DUSP13A: variants seen among roughly 807,000 people sequenced by gnomAD.
DUSP13A encodes dual specificity phosphatase 13A.
chr10:75,106,658 T>C, the DUSP13A span, among the ~76,000 whole-genome samples: 1 of 152,234 alleles, frequency 6.6e-6, no homozygotes, highest in Admixed American at 6.5e-5. Flanking sequence ...TATGAGTAGC[T>C]CTCACTATAC....
chr10:75,108,121 C>T, the DUSP13A span: 138 of 1,613,736 alleles, frequency 8.6e-5, no homozygotes, highest in African/African-American at 1.5e-3. Context: ...AAGTCAGGGC[C>T]GCCCTGACAG....
chr10:75,106,485 CT>C, the DUSP13A span, among the ~76,000 whole-genome samples: 1 of 152,186 alleles, frequency 6.6e-6, no homozygotes, highest in Non-Finnish European at 1.5e-5. Context: ...CCTCCACAGG[CT>C]TTCTTGACCG....
At chr10:75,107,860 A>T in the DUSP13A span, 11 of 1,127,094 alleles carry the variant, frequency 9.8e-6, no homozygotes, top group South Asian at 7.9e-5. Context: ...TACAAGCATG[A>T]GCCACCACAC....
chr10:75,106,066 T>C, the DUSP13A span, among the ~76,000 whole-genome samples: 1 of 151,948 alleles, frequency 6.6e-6, no homozygotes, highest in Non-Finnish European at 1.5e-5. Flanking sequence ...ACCCTTGGGA[T>C]AGGGTCCGAA....
At chr10:75,109,068 T>G in the DUSP13A span, 1 of 1,612,476 alleles carries the variant, frequency 6.2e-7, no homozygotes, top group Non-Finnish European at 8.5e-7. Flanking sequence ...AAGACTTCCC[T>G]GCCCGCAGGA....
the DUSP13A span, chr10:75,109,108 G>A: frequency 6.2e-7 from 1 of 1,611,964 alleles, no homozygotes; most frequent in Non-Finnish European, 8.5e-7. Flanking sequence ...GCTGGGGCAA[G>A]GCGTGGCTTT....
chr10:75,108,356 A>C, the DUSP13A span: 1 of 1,391,150 alleles, frequency 7.2e-7, no homozygotes, highest in Non-Finnish European at 9.4e-7. Flanking sequence ...GTCTGACTCC[A>C]CAGCCCTATA....
At chr10:75,107,719 G>A in the DUSP13A span, among the ~76,000 whole-genome samples, 1 of 152,134 alleles carries the variant, frequency 6.6e-6, no homozygotes, top group Non-Finnish European at 1.5e-5. Flanking sequence ...TGAGATTATA[G>A]GTGGGTGCCA....
the DUSP13A span, chr10:75,108,279 C>T: frequency 1.3e-6 from 2 of 1,522,040 alleles, no homozygotes; most frequent in Non-Finnish European, 1.8e-6. Flanking sequence ...GTGCCTGGCC[C>T]CCTGCTGCAG....
At chr10:75,105,916 C>T in the DUSP13A span, 2 of 1,520,734 alleles carry the variant, frequency 1.3e-6, no homozygotes, top group Non-Finnish European at 1.8e-6. Context: ...CACCGGCCCA[C>T]CCACGGGCTG....
the DUSP13A span, chr10:75,105,822 C>T: frequency 1.2e-5 from 19 of 1,550,666 alleles, no homozygotes; most frequent in African/African-American, 9.6e-5. Context: ...CCAGGACCAG[C>T]GTGGCAGAGC....
the DUSP13A span, chr10:75,109,131 C>A: frequency 1.9e-6 from 3 of 1,605,960 alleles, no homozygotes; most frequent in African/African-American, 1.3e-5. Flanking sequence ...CCTCTCCCCC[C>A]AGCTCTGGGA....
the DUSP13A span, chr10:75,108,229 C>T: frequency 1.3e-6 from 2 of 1,576,012 alleles, no homozygotes; most frequent in South Asian, 1.2e-5. Context: ...GCAGGAAGGG[C>T]ACTTGATGCC....
chr10:75,106,673 C>T, the DUSP13A span, among the ~76,000 whole-genome samples: 4 of 152,350 alleles, frequency 2.6e-5, no homozygotes, highest in South Asian at 2.1e-4. Context: ...CTATACTATT[C>T]GCAATTTGGC....
chr10:75,106,337 C>T, the DUSP13A span, among the ~76,000 whole-genome samples: 6 of 151,964 alleles, frequency 3.9e-5, no homozygotes, highest in African/African-American at 1.5e-4. Flanking sequence ...GAGGAACTTG[C>T]AGTTCCTTGA....
At chr10:75,108,083 C>A in the DUSP13A span, 1 of 1,613,894 alleles carries the variant, frequency 6.2e-7, no homozygotes, top group African/African-American at 1.3e-5. Context: ...GGGCTGGCAC[C>A]CCCAGGTAGC....
the DUSP13A span, among the ~76,000 whole-genome samples, chr10:75,107,689 G>A: frequency 6.6e-6 from 1 of 152,252 alleles, no homozygotes; most frequent in South Asian, 2.1e-4. Context: ...CAATTCTCCT[G>A]CCTCAGCCTC....
At chr10:75,105,880 A>T in the DUSP13A span, 1 of 1,544,976 alleles carries the variant, frequency 6.5e-7, no homozygotes, top group Non-Finnish European at 8.8e-7. Flanking sequence ...TGAGGAAGAC[A>T]TCCTGGTGAA....
the DUSP13A span, chr10:75,108,422 T>G: frequency 4.7e-5 from 39 of 827,448 alleles, no homozygotes; most frequent in African/African-American, 6.7e-4. Flanking sequence ...TCGGGGGATC[T>G]TTAGACCCTC....
Sources: allele counts gnomAD v4.1 joint callset (sites outside exome capture counted in the v4.1 genomes callset), GRCh38; gene constraint gnomAD v4.1.1; transcripts MANE v1.5; gene names NCBI Gene and HGNC (gene_info 2026-07-23, HGNC 2026-07-21).